The following BTBD9 variants were observed in gnomAD, a reference collection of about 807,000 sequenced individuals.
BTBD9 encodes the protein BTB domain containing 9, also known as BTB/POZ domain-containing protein 9.
BTBD9 carries 49 observed loss-of-function variants against 64.3 expected under a neutral mutation model. The ratio of observed to expected loss-of-function variants is 0.76; its 90% CI spans 0.61 to 0.97. BTBD9 has a LOEUF of 0.97. Among genes scored for constraint, BTBD9 ranks in the 50% least tolerant of loss-of-function variants. BTBD9 has a pLI of 0.00. For synonymous variants in BTBD9, 260 were observed against 274.7 expected, an observed-to-expected ratio of 0.95 and a Z score of 0.53; for missense variants, 598 against 762.1, an observed-to-expected ratio of 0.78 and a Z score of 2.53.
chr6:38,587,502 T>A (rs1776586182), intron 4 of BTBD9: 2 of 563,202 alleles, frequency 3.6e-6, no homozygotes, highest in East Asian at 4.4e-5. Context: ...CAATAAAGTA[T>A]AAAGATGCAG....
At chr6:38,321,794 T>A (rs533891451) in intron 7 of BTBD9, among the ~76,000 whole-genome samples, 8 of 151,198 alleles carry the variant, frequency 5.3e-5, no homozygotes, top group African/African-American at 1.7e-4. Flanking sequence ...TTGCCTACTT[T>A]CTTTTTCATT....
chr6:38,226,351 G>A (rs1475958228), intron 9 of BTBD9, among the ~76,000 whole-genome samples: 1 of 152,192 alleles, frequency 6.6e-6, no homozygotes, highest in African/African-American at 2.4e-5. Flanking sequence ...GCAGGACTCA[G>A]CAGCTCTTAC....
chr6:38,594,124 G>A lies in BTBD9; in HGVS notation c.389C>T (p.Ser130Phe). ...YGFPELEDST[S>F]EYLCTILNIQ... ...GTTAAGTATGGTGCAGAGATACTCA[G>A]AGGTAGAATCCTCTAGCTCTGGAAA... is the stretch of plus-strand genomic sequence containing the variant. The change falls in exon 3 of 11, where the codon TCT becomes TTT. Residue 130 changes from serine to phenylalanine, a missense_variant. Ser to Phe is a radical substitution (Grantham distance 155, BLOSUM62 -2). Coordinates refer to ENST00000481247, the MANE Select transcript of BTBD9 (RefSeq NM_001099272.2). 3 of 1,614,218 alleles carry A rather than the reference G, an allele frequency of 1.9e-6. No individual in the cohort carries two copies. The highest frequency in any genetic ancestry group is 2.5e-6 in the Non-Finnish European group (3 of 1,180,028).
chr6:38,593,554 A>C (rs183301134), intron 3 of BTBD9, among the ~76,000 whole-genome samples: 5 of 152,352 alleles, frequency 3.3e-5, no homozygotes, highest in African/African-American at 1.2e-4. Context: ...CAGGGACTTA[A>C]AGACATCAAA....
At chr6:38,363,113 G>A (rs1385043582) in intron 6 of BTBD9, among the ~76,000 whole-genome samples, 1 of 152,082 alleles carries the variant, frequency 6.6e-6, no homozygotes, top group African/African-American at 2.4e-5. Flanking sequence ...TTTAGAGACA[G>A]CATCTTGCTC....
chr6:38,592,888 C>T lies in BTBD9; in HGVS notation c.550-48G>A, dbSNP rs750526951. ...ATTCCAGTTATATGAAGTTCAACCA[C>T]TGCATGACCAATCAGTAAAAGCTTA... On this transcript the variant is annotated intron_variant, in intron 3 of 10. Transcript: ENST00000481247. 1.9e-6 allele frequency: 3 copies of T among 1,579,162 alleles called. No individual in the cohort carries two copies. The Admixed American group carries it at 5.1e-5, about 27-fold the overall frequency.
At chr6:38,453,589 A>T (rs543475838) in intron 6 of BTBD9, among the ~76,000 whole-genome samples, 2 of 152,128 alleles carry the variant, frequency 1.3e-5, no homozygotes, top group South Asian at 2.1e-4. Flanking sequence ...AAGTTTTTTT[A>T]AAATGCTATG....
intron 6 of BTBD9, among the ~76,000 whole-genome samples, chr6:38,485,981 T>G (rs550018386): frequency 6.6e-6 from 1 of 152,346 alleles, no homozygotes; most frequent in African/African-American, 2.4e-5. Context: ...TCTGGGTAAC[T>G]TGCTGCAGCT....
intron 10 of BTBD9, chr6:38,179,765 G>T (rs1331477901): frequency 2.2e-6 from 1 of 456,732 alleles, no homozygotes. Context: ...CTACCAGCAC[G>T]GGATCAGTAA....
chr6:38,433,494 C>T (rs1052060356), intron 6 of BTBD9, among the ~76,000 whole-genome samples: 1 of 151,892 alleles, frequency 6.6e-6, no homozygotes, highest in Non-Finnish European at 1.5e-5. Flanking sequence ...GAAATTCCTT[C>T]TCCTGGCTCA....
intron 6 of BTBD9, among the ~76,000 whole-genome samples, chr6:38,442,266 T>G (rs1269270673): frequency 6.6e-6 from 1 of 151,916 alleles, no homozygotes; most frequent in African/African-American, 2.4e-5. Flanking sequence ...GGCGGGCAGG[T>G]CACGAGGTCA....
chr6:38,376,046 C>T (rs919177698), intron 6 of BTBD9, among the ~76,000 whole-genome samples: 1 of 152,122 alleles, frequency 6.6e-6, no homozygotes, highest in African/African-American at 2.4e-5. Context: ...AACCAGAAAG[C>T]ATACCCAAAA....
At chr6:38,400,039 G>T (rs924486032) in intron 6 of BTBD9, among the ~76,000 whole-genome samples, 1 of 151,932 alleles carries the variant, frequency 6.6e-6, no homozygotes, top group African/African-American at 2.4e-5. Flanking sequence ...TGGGATTACA[G>T]GTGTGAGCCA....
chr6:38,533,214 G>A (rs938456287), intron 6 of BTBD9, among the ~76,000 whole-genome samples: 2 of 151,846 alleles, frequency 1.3e-5, no homozygotes, highest in Non-Finnish European at 2.9e-5. Context: ...ATAAAGGGAT[G>A]GAAAAAGACA....
At chr6:38,378,174 A>C (rs1765772170) in intron 6 of BTBD9, among the ~76,000 whole-genome samples, 1 of 152,068 alleles carries the variant, frequency 6.6e-6, no homozygotes, top group Non-Finnish European at 1.5e-5. Context: ...CTTATACAGC[A>C]ATATAGCTAA....
intron 6 of BTBD9, among the ~76,000 whole-genome samples, chr6:38,450,126 C>G (rs746406774): frequency 6.6e-5 from 10 of 152,114 alleles, no homozygotes; most frequent in Non-Finnish European, 1.2e-4. Context: ...TTGGATAAGT[C>G]TGAAGAACAT....
chr6:38,175,265 C>A (rs1766950711), intron 10 of BTBD9, 83 bp from the exon 11 acceptor site: 2 of 1,458,152 alleles, frequency 1.4e-6, no homozygotes, highest in Non-Finnish European at 9.5e-7. Context: ...TACTGCCCTG[C>A]CCAGCTTTGG....
intron 6 of BTBD9, among the ~76,000 whole-genome samples, chr6:38,428,389 G>A (rs1768277677): frequency 6.6e-6 from 1 of 151,536 alleles, no homozygotes; most frequent in Non-Finnish European, 1.5e-5. Flanking sequence ...CTCTATTAAT[G>A]CCCCACCCCC....
chr6:38,460,623 T>C (rs1770037116), intron 6 of BTBD9, among the ~76,000 whole-genome samples: 1 of 152,056 alleles, frequency 6.6e-6, no homozygotes, highest in South Asian at 2.1e-4. Context: ...GTTTTTTTTG[T>C]TTTTGTTTTT....
Sources: allele counts gnomAD v4.1 joint callset (sites outside exome capture counted in the v4.1 genomes callset), GRCh38; gene constraint gnomAD v4.1.1; transcripts MANE v1.5; gene names NCBI Gene and HGNC (gene_info 2026-07-23, HGNC 2026-07-21).